CDH20: variants seen among roughly 807,000 people sequenced by gnomAD.
CDH20 encodes the protein cadherin 20, also known as cadherin-20.
CDH20 carries 29 observed loss-of-function variants against 74.2 expected under a neutral mutation model. The observed-to-expected ratio is 0.39, with a 90% CI of 0.29 to 0.53. The LOEUF (loss-of-function observed/expected upper bound fraction) is 0.53, where lower values mean the gene tolerates loss of function less well. CDH20 is among the 20% of genes least tolerant of loss of function. The pLI is 0.69. For missense variants in CDH20, 988 were observed against 1,048.3 expected (o/e 0.94, Z 0.79); for synonymous variants, 469 against 405.4 (o/e 1.16, Z -1.88).
intron 1 of CDH20, among the ~76,000 whole-genome samples, chr18:61,486,092 TAAAC>T (rs1910754114): frequency 1.3e-5 from 2 of 151,902 alleles, no homozygotes; most frequent in African/African-American, 2.4e-5. Context: ...ATAAAATAAA[TAAAC>T]AAACCCATTT....
chr18:61,506,890 G>A lies in CDH20; in HGVS notation c.830-483G>A, dbSNP rs145497866. 4.3e-4 allele frequency among the ~76,000 whole-genome samples: 66 copies of A among 152,194 alleles called. No homozygotes were observed. The East Asian group carries it at 0.012, about 27-fold the overall frequency. ...CCCTTTATAGATCACTGATCTCCAT[G>A]ACCTCTGAGCAGGTGTTGCTGGAGA... On this transcript the variant is annotated intron_variant, in intron 5 of 11. Coordinates refer to ENST00000262717, the MANE Select transcript of CDH20 (RefSeq NM_031891.4).
At chr18:61,492,583 T>G (rs1444580734) in intron 2 of CDH20, among the ~76,000 whole-genome samples, 1 of 152,172 alleles carries the variant, frequency 6.6e-6, no homozygotes, top group Non-Finnish European at 1.5e-5. Context: ...TGCTACTCTC[T>G]CCCTCATTCT....
intron 1 of CDH20, among the ~76,000 whole-genome samples, chr18:61,459,448 G>A (rs181047856): frequency 6.6e-6 from 1 of 152,290 alleles, no homozygotes; most frequent in African/African-American, 2.4e-5. Context: ...TGACATCCAT[G>A]TGTGGTAGAT....
At chr18:61,465,697 G>T (rs963174421) in intron 1 of CDH20, among the ~76,000 whole-genome samples, 1 of 151,954 alleles carries the variant, frequency 6.6e-6, no homozygotes. Flanking sequence ...GAAGCAAGAA[G>T]GTCAACAGCA....
At chr18:61,341,069 G>A (rs12607636) in intron 1 of CDH20, among the ~76,000 whole-genome samples, 71,299 of 152,064 alleles carry the variant, frequency 0.47, 17,337 homozygotes, top group East Asian at 0.7. Context: ...GAGAAGGACT[G>A]GGAGAAACTA....
intron 1 of CDH20, among the ~76,000 whole-genome samples, chr18:61,412,238 G>C (rs1001251562): frequency 2.0e-5 from 3 of 151,836 alleles, no homozygotes; most frequent in Non-Finnish European, 4.4e-5. Context: ...AATACAAATG[G>C]ACATAAACAT....
At position 61,494,571 on chromosome 18, in the gene CDH20, A is replaced by C. The variant is rs528105987; in HGVS notation, c.246+3772A>C. Reference sequence around the variant, plus strand: ...TTTGAAAGGGAATTCATCCACTTTCATTCTCTTTACCCAGGGGCATTCTGC... The same window carrying C: ...TTTGAAAGGGAATTCATCCACTTTCCTTCTCTTTACCCAGGGGCATTCTGC... On this transcript the variant is annotated intron_variant, in intron 2 of 11. Transcript: ENST00000262717. Among the ~76,000 whole-genome samples, 10 of 152,254 alleles carry C rather than the reference A, an allele frequency of 6.6e-5. No homozygotes were observed. In the East Asian group the frequency reaches 1.9e-3, roughly 29 times the overall value.
intron 1 of CDH20, among the ~76,000 whole-genome samples, chr18:61,456,834 T>C (rs1456107889): frequency 6.6e-6 from 1 of 152,158 alleles, no homozygotes; most frequent in Non-Finnish European, 1.5e-5. Context: ...GTGAGGGTTC[T>C]CTTCCTGGTG....
chr18:61,501,452 A>G (rs141624716), intron 4 of CDH20, among the ~76,000 whole-genome samples: 1 of 152,164 alleles, frequency 6.6e-6, no homozygotes, highest in Non-Finnish European at 1.5e-5. Context: ...AGATATAGGA[A>G]GTATTATTAC....
At chr18:61,457,275 G>C (rs916756255) in intron 1 of CDH20, among the ~76,000 whole-genome samples, 8 of 152,014 alleles carry the variant, frequency 5.3e-5, no homozygotes, top group South Asian at 2.1e-4. Flanking sequence ...GGTCTGAATA[G>C]CTTAATCTCT....
intron 7 of CDH20, among the ~76,000 whole-genome samples, chr18:61,530,428 A>G (rs1227462673): frequency 6.6e-6 from 1 of 152,202 alleles, no homozygotes; most frequent in Admixed American, 6.5e-5. Flanking sequence ...TATATGCTGC[A>G]TGGCTAATTC....
chr18:61,369,538 A>T (rs1910963221), intron 1 of CDH20, among the ~76,000 whole-genome samples: 2 of 152,130 alleles, frequency 1.3e-5, no homozygotes, highest in South Asian at 4.1e-4. Flanking sequence ...ATTTCCTATC[A>T]TTTGACCCAG....
At chr18:61,346,815 T>A (rs1353477531) in intron 1 of CDH20, among the ~76,000 whole-genome samples, 1 of 152,138 alleles carries the variant, frequency 6.6e-6, no homozygotes, top group Admixed American at 6.6e-5. Context: ...AAGCCCTGGA[T>A]CTAGCAATTT....
intron 1 of CDH20, among the ~76,000 whole-genome samples, chr18:61,471,223 T>G (rs976167077): frequency 1.3e-5 from 2 of 152,214 alleles, no homozygotes; most frequent in African/African-American, 4.8e-5. Context: ...AAGGTCACTT[T>G]AAATTCTAGG....
chr18:61,523,521 A>G (rs1366413875), intron 6 of CDH20, among the ~76,000 whole-genome samples: 1 of 152,196 alleles, frequency 6.6e-6, no homozygotes, highest in Non-Finnish European at 1.5e-5. Flanking sequence ...TGATTCCTCA[A>G]GGATCTAGAA....
At chr18:61,381,345 T>C (rs1380639016) in intron 1 of CDH20, among the ~76,000 whole-genome samples, 1 of 152,240 alleles carries the variant, frequency 6.6e-6, no homozygotes, top group Non-Finnish European at 1.5e-5. Flanking sequence ...ACTTGGGTAC[T>C]CACTGAAAGA....
chr18:61,514,683 G>A (rs1217694304), intron 6 of CDH20, among the ~76,000 whole-genome samples: 4 of 150,140 alleles, frequency 2.7e-5, no homozygotes, highest in Admixed American at 6.6e-5. Flanking sequence ...TTTTTGGTGT[G>A]GATGTCCTTT....
At chr18:61,547,171 T>A (rs2144407536) in intron 10 of CDH20, among the ~76,000 whole-genome samples, 1 of 152,248 alleles carries the variant, frequency 6.6e-6, no homozygotes, top group Middle Eastern at 3.4e-3. Context: ...CCTAACAATT[T>A]TTTTTAAGTA....
rs1568171567 is a variant in CDH20, at chr18:61,512,808, CGG to C, written c.1017+5249_1017+5250del. Among the ~76,000 whole-genome samples, 616 of 151,920 alleles carry C rather than the reference CGG, an allele frequency of 4.1e-3. 5 individuals carry two copies. Among genetic ancestry groups the C allele is most frequent in the African/African-American group, 0.014 (599 of 41,416 alleles). On this transcript the variant is annotated intron_variant, in intron 6 of 11. Transcript: ENST00000262717. Reference sequence around the variant, plus strand: ...GTTGTTCAGTTTCCATGTAGTTGAGCGGTTTTGAGTGAGATTCTTAATCCTGA... The same window carrying C: ...GTTGTTCAGTTTCCATGTAGTTGAGCTTTTGAGTGAGATTCTTAATCCTGA...
Sources: allele counts gnomAD v4.1 joint callset (sites outside exome capture counted in the v4.1 genomes callset), GRCh38; gene constraint gnomAD v4.1.1; transcripts MANE v1.5; gene names NCBI Gene and HGNC (gene_info 2026-07-23, HGNC 2026-07-21).